Variants in KATNIP observed in about 807,000 individuals in gnomAD.
KATNIP encodes the protein katanin-interacting protein.
A neutral mutation model predicts 174.0 loss-of-function variants in KATNIP; 126 were observed. The ratio of observed to expected loss-of-function variants is 0.72; its 90% CI spans 0.63 to 0.84. KATNIP has a LOEUF of 0.84. KATNIP is among the 40% of genes least tolerant of loss of function. KATNIP has a pLI of 0.00. For missense variants in KATNIP, 1,958 were observed against 2,109.7 expected (o/e 0.93, Z 1.41); for synonymous variants, 810 against 835.7 (o/e 0.97, Z 0.53).
intron 15 of KATNIP, 60 bp downstream of exon 15, chr16:27,740,980 G>C: frequency 7.2e-7 from 1 of 1,389,548 alleles, no homozygotes; most frequent in Non-Finnish European, 9.4e-7. Flanking sequence ...TAATTGGCAT[G>C]AAGCCAGTTA....
At chr16:27,768,699 T>G (rs1200520904) in intron 20 of KATNIP, among the ~76,000 whole-genome samples, 3 of 152,170 alleles carry the variant, frequency 2.0e-5, no homozygotes, top group Non-Finnish European at 4.4e-5. Flanking sequence ...CAAGTTCTAG[T>G]GACAGCCACG....
chr16:27,593,088 T>G (rs761775381), intron 2 of KATNIP, among the ~76,000 whole-genome samples: 5 of 152,208 alleles, frequency 3.3e-5, no homozygotes, highest in African/African-American at 1.2e-4. Flanking sequence ...TCTCTGCTTC[T>G]GTGTCCTTCT....
intron 2 of KATNIP, among the ~76,000 whole-genome samples, chr16:27,603,019 G>A (rs1318678374): frequency 6.6e-6 from 1 of 152,200 alleles, no homozygotes; most frequent in East Asian, 1.9e-4. Flanking sequence ...GCTTTTCAAG[G>A]ATAGTTTGGT....
chr16:27,777,863 TTTCC>T lies in KATNIP; in HGVS notation c.4713-12_4713-9del, dbSNP rs370532561. Reference sequence around the variant, plus strand: ...GCCAGGAGCCTGATCGAATCTTGTGTTTCCTTCCTACCCTCAGTAATCAGGCCGA... The same window carrying T: ...GCCAGGAGCCTGATCGAATCTTGTGTTTCCTACCCTCAGTAATCAGGCCGA... On this transcript the variant is annotated splice_polypyrimidine_tract_variant and intron_variant, in intron 26 of 27. Transcript: ENST00000261588. The surrounding 1 kb of genome is among the most constrained non-coding windows in gnomAD (Gnocchi z 4.4). 2 of 1,613,894 alleles carry T rather than the reference TTTCC, an allele frequency of 1.2e-6. No individual in the cohort carries two copies. Among genetic ancestry groups the T allele is most frequent in the African/African-American group, 1.3e-5 (1 of 75,048 alleles).
At chr16:27,746,770 C>T (rs1409930936) in intron 15 of KATNIP, among the ~76,000 whole-genome samples, 2 of 152,000 alleles carry the variant, frequency 1.3e-5, no homozygotes, top group East Asian at 1.9e-4. Flanking sequence ...AGCAGGAGGG[C>T]CAGCGGGGCT....
intron 20 of KATNIP, among the ~76,000 whole-genome samples, chr16:27,767,064 C>T (rs1281121785): frequency 1.3e-5 from 2 of 152,094 alleles, no homozygotes; most frequent in Admixed American, 6.5e-5. Context: ...AAGAGAGCCT[C>T]GGAAGAGCCC....
intron 6 of KATNIP, among the ~76,000 whole-genome samples, chr16:27,663,918 C>A (rs569348758): frequency 1.3e-5 from 2 of 152,154 alleles, no homozygotes; most frequent in African/African-American, 4.8e-5. Flanking sequence ...TCAAGTGATG[C>A]TCCTGCCTCA....
chr16:27,694,586 A>C (rs529175708), intron 8 of KATNIP, among the ~76,000 whole-genome samples: 4 of 152,194 alleles, frequency 2.6e-5, no homozygotes, highest in Admixed American at 2.6e-4. Flanking sequence ...ACTTGAGTCC[A>C]GGAGTTTGAG....
chr16:27,631,865 G>T (rs1448926615), intron 5 of KATNIP, among the ~76,000 whole-genome samples: 1 of 152,192 alleles, frequency 6.6e-6, no homozygotes, highest in Non-Finnish European at 1.5e-5. Context: ...GGTTGCAGCT[G>T]GTGTGCTGAT....
At chr16:27,560,916 G>A (rs78601779) in intron 1 of KATNIP, among the ~76,000 whole-genome samples, 162 of 152,294 alleles carry the variant, frequency 1.1e-3, no homozygotes, top group Non-Finnish European at 2.0e-3. Context: ...CTAGTGAATT[G>A]CTGGACATTC....
intron 13 of KATNIP, chr16:27,709,150 C>T: frequency 2.2e-6 from 1 of 452,590 alleles, no homozygotes; most frequent in Non-Finnish European, 3.9e-6. Flanking sequence ...AAAACCCTGT[C>T]TCTACAAAAA....
At chr16:27,642,921 T>C (rs990780804) in intron 5 of KATNIP, among the ~76,000 whole-genome samples, 1 of 152,128 alleles carries the variant, frequency 6.6e-6, no homozygotes, top group African/African-American at 2.4e-5. Context: ...GTGGGACACA[T>C]TTATTCTTCA....
At chr16:27,681,099 C>T (rs966752274) in intron 7 of KATNIP, 1 of 318,994 alleles carries the variant, frequency 3.1e-6, no homozygotes, top group Non-Finnish European at 6.1e-6. Flanking sequence ...CCCAAAGCAC[C>T]GGGATTACAG....
chr16:27,597,830 A>G (rs2075388255), intron 2 of KATNIP, among the ~76,000 whole-genome samples: 1 of 152,084 alleles, frequency 6.6e-6, no homozygotes. Context: ...AGCCACAGAG[A>G]TCTGGGTTTT....
chr16:27,714,578 CA>C (rs1396595245), intron 13 of KATNIP, among the ~76,000 whole-genome samples: 2 of 150,758 alleles, frequency 1.3e-5, no homozygotes, highest in East Asian at 3.9e-4. Flanking sequence ...CTAAACTAAC[CA>C]AAAAAAGATG....
At chr16:27,655,187 T>G (rs1414577235) in intron 6 of KATNIP, among the ~76,000 whole-genome samples, 132 of 45,484 alleles carry the variant, frequency 2.9e-3, no homozygotes, top group African/African-American at 0.016. Context: ...GATATATATA[T>G]ATATATATAT....
chr16:27,608,585 A>G (rs563200080), intron 2 of KATNIP, among the ~76,000 whole-genome samples: 1 of 151,554 alleles, frequency 6.6e-6, no homozygotes, highest in South Asian at 2.1e-4. Flanking sequence ...TGGCACGGTC[A>G]TAGCTCACTG....
intron 2 of KATNIP, among the ~76,000 whole-genome samples, chr16:27,582,230 C>T (rs752226911): frequency 6.6e-6 from 1 of 152,084 alleles, no homozygotes; most frequent in Non-Finnish European, 1.5e-5. Context: ...AGTCTTGTTG[C>T]CCCGTCCATA....
At chr16:27,743,886 C>T (rs2081193507) in intron 15 of KATNIP, among the ~76,000 whole-genome samples, 1 of 152,148 alleles carries the variant, frequency 6.6e-6, no homozygotes, top group Non-Finnish European at 1.5e-5. Flanking sequence ...GCCTTCCAAG[C>T]TTTCCCAGCA....
Sources: allele counts gnomAD v4.1 joint callset (sites outside exome capture counted in the v4.1 genomes callset), GRCh38; gene constraint gnomAD v4.1.1; non-coding constraint Gnocchi (gnomAD v3.1); transcripts MANE v1.5; gene names NCBI Gene and HGNC (gene_info 2026-07-23, HGNC 2026-07-21).